Variants in RFNG observed in about 807,000 individuals in gnomAD.
RFNG encodes RFNG O-fucosylpeptide 3-beta-N-acetylglucosaminyltransferase.
RFNG carries 37 observed loss-of-function variants against 29.6 expected under a neutral mutation model. The observed-to-expected ratio is 1.25, with a 90% CI of 0.96 to 1.65. The LOEUF is 1.65. RFNG is among the 40% of genes most tolerant of loss of function. RFNG has a pLI of 0.00. For synonymous variants in RFNG, 276 were observed against 197.3 expected (o/e 1.40, Z -3.34); for missense variants, 546 against 457.0 (o/e 1.19, Z -1.78).
At position 82,051,655 on chromosome 17, in the gene RFNG, T is replaced by C; in HGVS notation, c.112A>G (p.Thr38Ala). 1 of 983,102 alleles carries C rather than the reference T, an allele frequency of 1.0e-6. No homozygotes were observed. The highest frequency in any genetic ancestry group is 1.2e-6 in the Non-Finnish European group (1 of 822,946). The allele number at this position is 983,102 out of a possible 1,614,324, so 60.9% of individuals were successfully genotyped here. The change falls in exon 1 of 8, where the codon ACC becomes GCC. Residue 38 changes from threonine (T) to alanine (A), a missense_variant. By Grantham distance (58) the Thr-to-Ala change is moderately conservative. Transcript: ENST00000310496. The surrounding 1 kb of genome is among the most constrained non-coding windows in gnomAD (Gnocchi z 4.1). ...PLPRAPAPAR[T>A]PAPAPRAPPS... ...GGCGCGCGCGGGGCCGGGGCGGGGG[T>C]CCGGGCCGGGGCGGGCGCGCGGGGC...
intron 7 of RFNG, 97 bp from the exon 8 acceptor site, chr17:82,048,904 GTA>G (rs1428453640): frequency 5.6e-6 from 8 of 1,428,930 alleles, no homozygotes; most frequent in African/African-American, 1.4e-5. Flanking sequence ...AGGGCCGTGG[GTA>G]CAGGGAGAAG....
At chr17:82,049,180 G>C (rs776603528) in intron 6 of RFNG, 64 bp from the exon 7 acceptor site, 5 of 1,349,280 alleles carry the variant, frequency 3.7e-6, no homozygotes, top group African/African-American at 2.9e-5. Flanking sequence ...GCCTGCCCCT[G>C]GCCAGGAGCC....
At position 82,049,131 on chromosome 17, in the gene RFNG, T is replaced by C; in HGVS notation, c.829-15A>G. ...CTCAAGGTAACCTGGGAGGGAAGGGTGTGGGCAGAGTGTGTGGCCTGGTCT... is the reference window on the plus strand; with the variant it reads ...CTCAAGGTAACCTGGGAGGGAAGGGCGTGGGCAGAGTGTGTGGCCTGGTCT... On this transcript the variant is annotated splice_polypyrimidine_tract_variant and intron_variant, in intron 6 of 7. Coordinates refer to ENST00000310496, the MANE Select transcript of RFNG (RefSeq NM_002917.2). The C allele has an allele frequency of 6.2e-7, 1 of 1,609,634 alleles. No individual in the cohort carries two copies. Among genetic ancestry groups the C allele is most frequent in the Non-Finnish European group, 8.5e-7 (1 of 1,176,884 alleles).
intron 7 of RFNG, 33 bp downstream of exon 7, chr17:82,048,998 G>C (rs764102847): frequency 6.2e-7 from 1 of 1,600,132 alleles, no homozygotes; most frequent in Admixed American, 1.7e-5. Context: ...CCCCTGCGGG[G>C]CCGAGGGCCT....
rs899894069 is a variant in RFNG, at chr17:82,050,712, G to A, written c.369C>T (p.Leu123=). The change falls in exon 3 of 8, where the codon CTC becomes CTT. Residue 123 remains leucine (L), a synonymous_variant. Coordinates refer to ENST00000310496, the MANE Select transcript of RFNG (RefSeq NM_002917.2). ...NCSAVRTRQA[L]CCKMSVEYDK... The stretch of plus-strand genomic sequence containing the variant: ...CATACTCCACGGACATCTTGCAGCA[G>A]AGGGCCTGACGAGTGCGCACCGCCG... 3.1e-6 allele frequency: 5 copies of A among 1,613,158 alleles called. No individual in the cohort carries two copies. Among genetic ancestry groups the A allele is most frequent in the Middle Eastern group, 1.6e-4 (1 of 6,084 alleles).
rs1001889356 is a variant in RFNG, at chr17:82,051,306, C to G, written c.304G>C (p.Glu102Gln). 7.0e-6 allele frequency: 10 copies of G among 1,422,828 alleles called. No individual in the cohort carries two copies. The highest frequency in any genetic ancestry group is 9.2e-6 in the Non-Finnish European group (10 of 1,090,746). 88.1% of individuals were successfully genotyped at this position (1,422,828 alleles called of 1,614,324 possible). The change falls in exon 2 of 8, where the codon GAG becomes CAG. Residue 102 changes from glutamate (E) to glutamine (Q), a missense_variant. Coordinates refer to ENST00000310496, the MANE Select transcript of RFNG (RefSeq NM_002917.2). This position sits in a 1 kb window ranked among gnomAD's most constrained non-coding sequence, Gnocchi z 4.1. ...IFTDGDDPEL[E>Q]LQGGDRVINT... Reference sequence around the variant, plus strand: ...GGGGGACACTCACCGCCCTGGAGCTCGAGCTCAGGGTCGTCCCCGTCGGTG... The same window carrying G: ...GGGGGACACTCACCGCCCTGGAGCTGGAGCTCAGGGTCGTCCCCGTCGGTG...
chr17:82,048,672 T>C lies in RFNG; in HGVS notation c.*54A>G. ...AGCCCACTGAGCCCATAGGGGGCTC[T>C]GGTTCCCCGCGCCTGGGACAGAGCC... On this transcript the variant is annotated 3_prime_UTR_variant, in exon 8 of 8. Transcript: ENST00000310496. 1 of 1,473,570 alleles carries C rather than the reference T, an allele frequency of 6.8e-7. No individual in the cohort carries two copies. The highest frequency in any genetic ancestry group is 9.4e-7 in the Non-Finnish European group (1 of 1,059,260). The allele number at this position is 1,473,570 out of a possible 1,614,324, so 91.3% of individuals were successfully genotyped here.
At position 82,051,149 on chromosome 17, in the gene RFNG, G is replaced by A. The variant is rs1164975105; in HGVS notation, c.316+145C>T. The stretch of plus-strand genomic sequence containing the variant: ...GCAGGGTGGGCCCTCCGCAGGCCGC[G>A]TGACCTGGGCAGCGTCGGGGCCTCC... On this transcript the variant is annotated intron_variant, in intron 2 of 7. Transcript: ENST00000310496. This position sits in a 1 kb window ranked among gnomAD's most constrained non-coding sequence, Gnocchi z 4.1. 2 of 1,315,344 alleles carry A rather than the reference G, an allele frequency of 1.5e-6. No individual in the cohort carries two copies. The highest frequency in any genetic ancestry group is 1.9e-6 in the Non-Finnish European group (2 of 1,033,300). The allele number at this position is 1,315,344 out of a possible 1,614,324, so 81.5% of individuals were successfully genotyped here.
chr17:82,050,234 G>A, intron 4 of RFNG, 168 bp downstream of exon 4: 1 of 873,026 alleles, frequency 1.1e-6, no homozygotes, highest in South Asian at 1.8e-5. Flanking sequence ...GTACGGTGAG[G>A]GCCTCCTGGC....
intron 3 of RFNG, 48 bp downstream of exon 3, chr17:82,050,614 A>C: frequency 6.2e-7 from 1 of 1,608,308 alleles, no homozygotes; most frequent in Non-Finnish European, 8.5e-7. Flanking sequence ...GGAGGCCCCC[A>C]CCCAGCTTGG....
In RFNG at chr17:82,048,709, G is replaced by A; in HGVS notation, c.*17C>T. 6.2e-7 allele frequency: 1 copy of A among 1,607,924 alleles called. No individual in the cohort carries two copies. Among genetic ancestry groups the A allele is most frequent in the Non-Finnish European group, 8.5e-7 (1 of 1,176,330 alleles). On this transcript the variant is annotated 3_prime_UTR_variant, in exon 8 of 8. Transcript: ENST00000310496. ...CCTGGGACAGAGCCAGGCAGCCCTGGGTCGGGGTGGTTGGTGTCACCGAGA... is the reference window on the plus strand; with the variant it reads ...CCTGGGACAGAGCCAGGCAGCCCTGAGTCGGGGTGGTTGGTGTCACCGAGA...
intron 2 of RFNG, 91 bp from the exon 3 acceptor site, chr17:82,050,855 A>C: frequency 6.8e-7 from 1 of 1,465,832 alleles, no homozygotes; most frequent in East Asian, 2.4e-5. Flanking sequence ...GGGCCAGGGC[A>C]CAACGTGGCT....
chr17:82,051,250 C>CG lies in RFNG; in HGVS notation c.316+43dup, dbSNP rs748681219. ...CCGTGGCTTCGGAGCGAGAAAGGCT[C>CG]GGGGGGCAGATCCCGCGGGCGCCGG... is the stretch of plus-strand genomic sequence containing the variant. On this transcript the variant is annotated intron_variant, in intron 2 of 7. Coordinates refer to ENST00000310496, the MANE Select transcript of RFNG (RefSeq NM_002917.2). This position sits in a 1 kb window ranked among gnomAD's most constrained non-coding sequence, Gnocchi z 4.1. 1.1e-5 allele frequency: 15 copies of CG among 1,334,324 alleles called. No homozygotes were observed. In the South Asian group the frequency reaches 1.4e-4, roughly 13 times the overall value. 82.7% of individuals were successfully genotyped at this position (1,334,324 alleles called of 1,614,324 possible). A position where few individuals can be genotyped will look rare whatever the true frequency, so the allele number is the denominator to read the frequency against.
At position 82,051,476 on chromosome 17, in the gene RFNG, C is replaced by T; in HGVS notation, c.267+24G>A. The T allele has an allele frequency of 1.5e-6, 2 of 1,349,538 alleles. No individual in the cohort carries two copies. The highest frequency in any genetic ancestry group is 1.9e-6 in the Non-Finnish European group (2 of 1,048,260). The allele number at this position is 1,349,538 out of a possible 1,614,324, so 83.6% of individuals were successfully genotyped here. A position where few individuals can be genotyped will look rare whatever the true frequency, so the allele number is the denominator to read the frequency against. ...CGGGGCGGGTGGGCGTGGGGCTCGC[C>T]GTCGGGGTCGGGGTCCGGCGCACCT... On this transcript the variant is annotated intron_variant, in intron 1 of 7. Coordinates refer to ENST00000310496, the MANE Select transcript of RFNG (RefSeq NM_002917.2). The surrounding 1 kb of genome is among the most constrained non-coding windows in gnomAD (Gnocchi z 4.1).
In RFNG at chr17:82,051,138, C is replaced by A; in HGVS notation, c.316+156G>T. 7.6e-7 allele frequency: 1 copy of A among 1,320,010 alleles called. No homozygotes were observed. The highest frequency in any genetic ancestry group is 9.6e-7 in the Non-Finnish European group (1 of 1,037,756). 81.8% of individuals were successfully genotyped at this position (1,320,010 alleles called of 1,614,324 possible). A position where few individuals can be genotyped will look rare whatever the true frequency, so the allele number is the denominator to read the frequency against. On this transcript the variant is annotated intron_variant, in intron 2 of 7. Transcript: ENST00000310496. This position sits in a 1 kb window ranked among gnomAD's most constrained non-coding sequence, Gnocchi z 4.1. ...GAGCTTGGCTGGCAGGGTGGGCCCT[C>A]CGCAGGCCGCGTGACCTGGGCAGCG...
At position 82,050,644 on chromosome 17, in the gene RFNG, C is replaced by T. The variant is rs2030371425; in HGVS notation, c.419+18G>A. 5.0e-6 allele frequency: 8 copies of T among 1,611,774 alleles called. No homozygotes were observed. Among genetic ancestry groups the T allele is most frequent in the Admixed American group, 1.7e-5 (1 of 59,974 alleles). On this transcript the variant is annotated intron_variant, in intron 3 of 7. Transcript: ENST00000310496. ...GCTTGGCTCTGAGCTCTCTGCGGGT[C>T]GGGTCAGCGCCGCGTACTTGCGCCC...
intron 7 of RFNG, 97 bp downstream of exon 7, chr17:82,048,934 G>A: frequency 2.1e-6 from 3 of 1,457,298 alleles, no homozygotes; most frequent in South Asian, 1.2e-5. Flanking sequence ...CAGGGCCGTG[G>A]GCGGAGGGAG....
At chr17:82,049,466 C>T (rs1181767646) in intron 6 of RFNG, 13 of 722,738 alleles carry the variant, frequency 1.8e-5, no homozygotes, top group Non-Finnish European at 3.2e-5. Flanking sequence ...GTGCTTCTCC[C>T]CTCGTTCCTC....
rs2030397798 is a variant in RFNG at position 82,050,759 on chromosome 17, G to T, written c.322C>A (p.Arg108Ser). Reference protein sequence around the residue: ...DPELELQGGDRVINTNCSAVR... With the variant: ...DPELELQGGDSVINTNCSAVR... ...GCCGAGCAGTTGGTGTTGATGACAC[G>T]GTCGCCTGCGAATCAGAGACGGGAA... The change falls in exon 3 of 8, where the codon CGT becomes AGT. Residue 108 changes from arginine (R) to serine (S), a missense_variant. Physicochemically the swap from Arg to Ser is moderately radical, Grantham distance 110. Coordinates refer to ENST00000310496, the MANE Select transcript of RFNG (RefSeq NM_002917.2). 1 of 1,612,730 alleles carries T rather than the reference G, an allele frequency of 6.2e-7. No individual in the cohort carries two copies. The highest frequency in any genetic ancestry group is 8.5e-7 in the Non-Finnish European group (1 of 1,179,810).
Sources: allele counts gnomAD v4.1 joint callset, GRCh38; gene constraint gnomAD v4.1.1; non-coding constraint Gnocchi (gnomAD v3.1); transcripts MANE v1.5; gene names NCBI Gene and HGNC (gene_info 2026-07-23, HGNC 2026-07-21).